TCF12: variants seen among roughly 807,000 people sequenced by gnomAD.
TCF12 encodes transcription factor 12.
A neutral mutation model predicts 86.0 loss-of-function variants in TCF12; 45 were observed. The ratio of observed to expected loss-of-function variants is 0.52; its 90% CI spans 0.41 to 0.67. The LOEUF is 0.67. TCF12 is among the 30% of genes least tolerant of loss of function. The probability of loss-of-function intolerance (pLI) is 0.00; values close to 1 mark genes in which losing one functional copy is unlikely to be tolerated. For missense variants in TCF12, 881 were observed against 859.9 expected (o/e 1.02, Z -0.31); for synonymous variants, 330 against 299.6 (o/e 1.10, Z -1.05).
At chr15:57,216,539 G>A (rs1164520586) in intron 8 of TCF12, among the ~76,000 whole-genome samples, 2 of 144,174 alleles carry the variant, frequency 1.4e-5, no homozygotes, top group African/African-American at 5.1e-5. Flanking sequence ...CTGAGTCATA[G>A]GATTAACCCT....
Position 57,282,427 on chromosome 15 carries a change from T to C in TCF12, c.1979-18T>C. 1 of 1,614,010 alleles carries C rather than the reference T, an allele frequency of 6.2e-7. No individual in the cohort carries two copies. Among genetic ancestry groups the C allele is most frequent in the Non-Finnish European group, 8.5e-7 (1 of 1,180,016 alleles). On this transcript the variant is annotated intron_variant, in intron 19 of 20. Coordinates refer to ENST00000333725, the MANE Select transcript of TCF12 (RefSeq NM_207037.2). ...AACTTAAAACCATAGTGATAAAAATTCTTTCCCCCTGTTTTAGAGAGGAAC... is the reference window on the plus strand; with the variant it reads ...AACTTAAAACCATAGTGATAAAAATCCTTTCCCCCTGTTTTAGAGAGGAAC...
At chr15:57,217,718 G>A (rs1431123192) in intron 8 of TCF12, among the ~76,000 whole-genome samples, 19 of 152,026 alleles carry the variant, frequency 1.2e-4, no homozygotes, top group African/African-American at 4.8e-5. Context: ...ATTTTGATTC[G>A]ATTTTGTTTG....
At chr15:57,010,726 A>G (rs536444986) in intron 3 of TCF12, among the ~76,000 whole-genome samples, 3 of 152,320 alleles carry the variant, frequency 2.0e-5, no homozygotes, top group Non-Finnish European at 4.4e-5. Context: ...AAGTTCATGG[A>G]TAGTTTCTGA....
At chr15:57,032,368 G>A (rs530567408) in intron 3 of TCF12, among the ~76,000 whole-genome samples, 2 of 152,322 alleles carry the variant, frequency 1.3e-5, no homozygotes, top group South Asian at 2.1e-4. Flanking sequence ...CAGGTTGATT[G>A]TCTGCTAAAA....
At chr15:57,078,467 T>C (rs1175379628) in intron 4 of TCF12, among the ~76,000 whole-genome samples, 1 of 152,196 alleles carries the variant, frequency 6.6e-6, no homozygotes, top group Admixed American at 6.5e-5. Flanking sequence ...TTTCAGATAA[T>C]GTCTCTCTCT....
chr15:57,054,481 A>G (rs1202088661), intron 3 of TCF12, among the ~76,000 whole-genome samples: 2 of 152,096 alleles, frequency 1.3e-5, no homozygotes, highest in Non-Finnish European at 2.9e-5. Flanking sequence ...TTTTCTAACC[A>G]CCAAACCCAA....
At chr15:57,043,435 A>G (rs141572959) in intron 3 of TCF12, among the ~76,000 whole-genome samples, 112 of 152,202 alleles carry the variant, frequency 7.4e-4, no homozygotes, top group African/African-American at 2.5e-3. Context: ...CGTCCTCACT[A>G]TCACTTATGT....
At chr15:57,006,940 C>G (rs116471479) in intron 3 of TCF12, among the ~76,000 whole-genome samples, 1 of 152,088 alleles carries the variant, frequency 6.6e-6, no homozygotes, top group African/African-American at 2.4e-5. Flanking sequence ...GCAACAACAA[C>G]AAAATGAGAT....
At chr15:57,097,954 G>A (rs2049443917) in intron 5 of TCF12, among the ~76,000 whole-genome samples, 2 of 137,648 alleles carry the variant, frequency 1.5e-5, no homozygotes, top group African/African-American at 2.7e-5. Flanking sequence ...TCAGGAGTTC[G>A]AGACCAGCCT....
Position 57,220,897 on chromosome 15 carries a change from G to A in TCF12, c.580-10255G>A, listed in dbSNP as rs78479376. 3.7e-3 allele frequency among the ~76,000 whole-genome samples: 558 copies of A among 152,192 alleles called. 15 individuals are homozygous for A. In the East Asian group the frequency reaches 0.046, roughly 13 times the overall value. The stretch of plus-strand genomic sequence containing the variant: ...AATGCATATATGGGCTTAGTGAAGG[G>A]GGGGAGAGGGGAGCATTTTTAATGT... On this transcript the variant is annotated intron_variant, in intron 8 of 20. Coordinates refer to ENST00000333725, the MANE Select transcript of TCF12 (RefSeq NM_207037.2).
At chr15:57,053,961 T>C (rs1040553919) in intron 3 of TCF12, among the ~76,000 whole-genome samples, 1 of 152,188 alleles carries the variant, frequency 6.6e-6, no homozygotes, top group Admixed American at 6.5e-5. Flanking sequence ...ATCCAGAAGA[T>C]GATAGATAGC....
intron 3 of TCF12, among the ~76,000 whole-genome samples, chr15:56,949,459 A>C (rs213168): frequency 0.22 from 33,557 of 152,228 alleles, 3,779 homozygotes; most frequent in Middle Eastern, 0.24. Flanking sequence ...AAAAGGCTTG[A>C]AACTCAGTTA....
intron 5 of TCF12, among the ~76,000 whole-genome samples, chr15:57,165,130 A>G (rs1019499629): frequency 1.4e-4 from 12 of 82,864 alleles, no homozygotes; most frequent in East Asian, 3.9e-4. Context: ...GAAGGAATGT[A>G]TGTCTGTGTG....
intron 4 of TCF12, among the ~76,000 whole-genome samples, chr15:57,078,176 T>G (rs187970510): frequency 2.6e-4 from 39 of 152,292 alleles, no homozygotes; most frequent in African/African-American, 8.7e-4. Flanking sequence ...TTAATGCGAC[T>G]TCTGCCTGCC....
chr15:57,240,559 A>T (rs1028376906), intron 12 of TCF12, among the ~76,000 whole-genome samples: 1 of 152,188 alleles, frequency 6.6e-6, no homozygotes. Flanking sequence ...AATTATGAAC[A>T]TAAGAAATGG....
intron 5 of TCF12, among the ~76,000 whole-genome samples, chr15:57,133,485 A>G (rs373733418): frequency 6.6e-6 from 1 of 152,176 alleles, no homozygotes; most frequent in Non-Finnish European, 1.5e-5. Flanking sequence ...TCAGGGTGCC[A>G]TTGATTGGTG....
At chr15:56,943,836 T>C (rs2060883056) in intron 3 of TCF12, among the ~76,000 whole-genome samples, 1 of 152,150 alleles carries the variant, frequency 6.6e-6, no homozygotes, top group African/African-American at 2.4e-5. Context: ...ATACCCAACA[T>C]TGTATTAGTG....
chr15:56,987,214 C>T (rs958284423), intron 3 of TCF12, among the ~76,000 whole-genome samples: 2 of 152,006 alleles, frequency 1.3e-5, no homozygotes, highest in African/African-American at 2.4e-5. Context: ...TGGGTTCAAG[C>T]GATTCTCCTG....
At chr15:57,123,843 CA>C (rs1177138601) in intron 5 of TCF12, among the ~76,000 whole-genome samples, 5 of 151,902 alleles carry the variant, frequency 3.3e-5, no homozygotes, top group Admixed American at 1.3e-4. Context: ...GCCTGTAGTC[CA>C]AGCTACGCAG....
Sources: gnomAD v4.1 joint callset for allele counts (sites outside exome capture counted in the v4.1 genomes callset) on GRCh38, gnomAD v4.1.1 for gene constraint, MANE v1.5 for transcripts, NCBI Gene and HGNC (gene_info 2026-07-23, HGNC 2026-07-21) for gene names.